ZC3H13: variants seen among roughly 807,000 people sequenced by gnomAD.
The protein encoded by ZC3H13 is zinc finger CCCH-type containing 13, also known as zinc finger CCCH domain-containing protein 13.
ZC3H13 carries 64 observed loss-of-function variants against 204.1 expected under a neutral mutation model. That is an observed-to-expected ratio of 0.31 (90% CI 0.26 to 0.39). The LOEUF is 0.39. Ranked by LOEUF, ZC3H13 falls within the 10% of genes least tolerant of loss-of-function variation. The probability of loss-of-function intolerance (pLI) is 1.00; values close to 1 mark genes in which losing one functional copy is unlikely to be tolerated. For synonymous variants in ZC3H13, 667 were observed against 693.7 expected (o/e 0.96, Z 0.60); for missense variants, 1,833 against 2,082.7 (o/e 0.88, Z 2.33).
intron 17 of ZC3H13, chr13:45,962,664 A>G (rs980858722): frequency 3.1e-6 from 3 of 980,022 alleles, no homozygotes; most frequent in East Asian, 2.3e-4. Context: ...GCTTATGCTA[A>G]TAGAGTAAAG....
chr13:45,988,351 G>A (rs1022634665), intron 9 of ZC3H13, among the ~76,000 whole-genome samples: 13 of 152,056 alleles, frequency 8.5e-5, no homozygotes, highest in Non-Finnish European at 1.3e-4. Flanking sequence ...TCCGCCTCCC[G>A]GGTTCAAGCA....
intron 8 of ZC3H13, among the ~76,000 whole-genome samples, chr13:46,002,371 A>C (rs887531096): frequency 6.6e-6 from 1 of 152,214 alleles, no homozygotes; most frequent in Non-Finnish European, 1.5e-5. Context: ...TTCTCAAAAA[A>C]ATTAAAAATA....
chr13:46,049,040 T>C (rs1296767100), intron 1 of ZC3H13, among the ~76,000 whole-genome samples: 2 of 151,216 alleles, frequency 1.3e-5, no homozygotes, highest in African/African-American at 4.9e-5. Context: ...TAATCCCAGC[T>C]ACTCGGGAAG....
At chr13:45,984,315 C>G (rs140568821) in intron 10 of ZC3H13, among the ~76,000 whole-genome samples, 1 of 152,008 alleles carries the variant, frequency 6.6e-6, no homozygotes. Flanking sequence ...CAGGGTACAA[C>G]GGAGGCTTTT....
chr13:45,961,202 TAAAAAC>T (rs988100054), intron 17 of ZC3H13, among the ~76,000 whole-genome samples: 56 of 152,244 alleles, frequency 3.7e-4, no homozygotes, highest in African/African-American at 1.3e-3. Context: ...TGCACATGAT[TAAAAAC>T]AAAAACAAAA....
chr13:46,011,584 A>T, intron 5 of ZC3H13, 30 bp from the exon 6 acceptor site: 1 of 1,512,128 alleles, frequency 6.6e-7, no homozygotes, highest in East Asian at 2.4e-5. Flanking sequence ...TACTGTTAGA[A>T]ACTAGCATAA....
At chr13:46,001,161 T>C (rs890042553) in intron 8 of ZC3H13, 4 of 152,128 alleles carry the variant, frequency 2.6e-5, no homozygotes, top group African/African-American at 7.2e-5. Flanking sequence ...AGTGAGCACA[T>C]GTTATTGGAA....
At chr13:46,022,637 A>T (rs1593717341) in intron 4 of ZC3H13, among the ~76,000 whole-genome samples, 1 of 152,004 alleles carries the variant, frequency 6.6e-6, no homozygotes, top group Non-Finnish European at 1.5e-5. Flanking sequence ...GTCATCCTGG[A>T]ACATCTAAGT....
At position 45,959,514 on chromosome 13, in the gene ZC3H13, G is replaced by A; in HGVS notation, c.4808C>T (p.Ala1603Val). The A allele has an allele frequency of 6.5e-7, 1 of 1,542,920 alleles. No individual in the cohort carries two copies. The highest frequency in any genetic ancestry group is 8.7e-7 in the Non-Finnish European group (1 of 1,144,164). Residue 1603 changes from alanine to valine, a missense_variant, in exon 18 of 19, where the codon GCA (alanine) becomes GTA (valine). Ala to Val is a moderately conservative substitution (Grantham distance 64). This residue lies in a region of ZC3H13 where 211 missense variants were observed against 228.4 expected (regional missense o/e 0.92). Coordinates refer to ENST00000679008, the MANE Select transcript of ZC3H13 (RefSeq NM_001330564.2). ...ATTTTTAACAAGCTGCTTTCGAATT[G>A]CAGAATCCCGTCTGAAGCACAACGC... ...CKALCFRRDS[A>V]IRKQLVKNEK...
intron 10 of ZC3H13, among the ~76,000 whole-genome samples, chr13:45,983,158 T>C (rs1953809395): frequency 6.6e-6 from 1 of 151,822 alleles, no homozygotes; most frequent in Non-Finnish European, 1.5e-5. Flanking sequence ...ATGCAACTCC[T>C]TTGAAAGCAT....
chr13:46,011,389 C>T (rs1465648669), intron 6 of ZC3H13, 26 bp downstream of exon 6: 2 of 1,578,082 alleles, frequency 1.3e-6, no homozygotes, highest in African/African-American at 1.4e-5. Flanking sequence ...TAAGTACTAA[C>T]ATATTTATTG....
At chr13:46,030,666 C>T (rs996277149) in intron 4 of ZC3H13, among the ~76,000 whole-genome samples, 13 of 151,800 alleles carry the variant, frequency 8.6e-5, no homozygotes, top group South Asian at 2.1e-4. Context: ...CTATATACAA[C>T]GGTAAGTGGA....
chr13:45,989,237 A>G, intron 8 of ZC3H13, 140 bp from the exon 9 acceptor site: 1 of 890,500 alleles, frequency 1.1e-6, no homozygotes, highest in Non-Finnish European at 1.7e-6. Context: ...AATGCTGTAA[A>G]ATTCTAAGTA....
intron 5 of ZC3H13, among the ~76,000 whole-genome samples, chr13:46,019,889 G>A (rs1337938214): frequency 6.6e-6 from 1 of 152,098 alleles, no homozygotes; most frequent in Non-Finnish European, 1.5e-5. Flanking sequence ...ACTTCAAGAG[G>A]CTAAGCTGCA....
At chr13:45,976,580 T>C (rs1761568788) in intron 11 of ZC3H13, among the ~76,000 whole-genome samples, 1 of 152,216 alleles carries the variant, frequency 6.6e-6, no homozygotes, top group Non-Finnish European at 1.5e-5. Flanking sequence ...ACTGATAACC[T>C]CATCACATTT....
intron 12 of ZC3H13, among the ~76,000 whole-genome samples, chr13:45,971,378 A>T (rs561507549): frequency 7.2e-5 from 11 of 152,170 alleles, no homozygotes; most frequent in Non-Finnish European, 1.6e-4. Flanking sequence ...ATAAAGCCAA[A>T]TGATCTTCAG....
chr13:46,002,210 C>T (rs2040801739), intron 8 of ZC3H13, among the ~76,000 whole-genome samples: 1 of 152,076 alleles, frequency 6.6e-6, no homozygotes, highest in African/African-American at 2.4e-5. Flanking sequence ...GGGATAACAC[C>T]TCACCTCAAT....
At chr13:45,982,971 T>A (rs1036428367) in intron 10 of ZC3H13, among the ~76,000 whole-genome samples, 4 of 152,066 alleles carry the variant, frequency 2.6e-5, no homozygotes, top group African/African-American at 9.7e-5. Flanking sequence ...AATAAAAAAA[T>A]GATCAAACTA....
At position 45,968,770 on chromosome 13, in the gene ZC3H13, T is replaced by A. The variant is rs757417251; in HGVS notation, c.3774A>T (p.Glu1258Asp). The change falls in exon 14 of 19, where the codon GAA becomes GAT. Residue 1258 changes from glutamate (E) to aspartate (D), a missense_variant. Around this residue, in one of 5 missense-constraint regions of ZC3H13, gnomAD observed 1,574 missense variants for 1,757.2 expected, o/e 0.90. Transcript: ENST00000679008. ...KSRIDQLKRG[E>D]PSRSTSSDRQ... is the part of the protein sequence containing the mutation. ...TACCTGAAGAAGTACTTCGACTGGGTTCTCCACGCTTTAACTGATCAATCC... is the reference window on the plus strand; with the variant it reads ...TACCTGAAGAAGTACTTCGACTGGGATCTCCACGCTTTAACTGATCAATCC... 10 of 1,599,396 alleles carry A rather than the reference T, an allele frequency of 6.3e-6. No homozygotes were observed. The highest frequency in any genetic ancestry group is 1.4e-5 in the African/African-American group (1 of 73,860).
Sources: gnomAD v4.1 joint callset for allele counts (sites outside exome capture counted in the v4.1 genomes callset) on GRCh38, gnomAD v4.1.1 for gene constraint, gnomAD v4.1.1 regional missense constraint, MANE v1.5 for transcripts, NCBI Gene and HGNC (gene_info 2026-07-23, HGNC 2026-07-21) for gene names.